Variants in GAREM1 observed in about 807,000 individuals in gnomAD.
The protein encoded by GAREM1 is GRB2-associated and regulator of MAPK protein 1.
GAREM1 carries 26 observed loss-of-function variants against 71.3 expected under a neutral mutation model. The ratio of observed to expected loss-of-function variants is 0.36; its 90% CI spans 0.27 to 0.51. The LOEUF (loss-of-function observed/expected upper bound fraction) is 0.51, where lower values mean the gene tolerates loss of function less well. GAREM1 is among the 20% of genes least tolerant of loss of function. The pLI, the probability that GAREM1 is intolerant of heterozygous loss-of-function variation, is 0.95. For synonymous variants in GAREM1, 440 were observed against 433.2 expected (o/e 1.02, Z -0.20); for missense variants, 1,026 against 1,103.1 (o/e 0.93, Z 0.99).
chr18:32,410,798 G>A (rs1046116415), intron 1 of GAREM1, among the ~76,000 whole-genome samples: 3 of 152,016 alleles, frequency 2.0e-5, no homozygotes, highest in Admixed American at 6.6e-5. Flanking sequence ...ATACGACTTC[G>A]GTTTTTTGTT....
intron 1 of GAREM1, among the ~76,000 whole-genome samples, chr18:32,458,882 C>T (rs149248102): frequency 6.6e-6 from 1 of 152,038 alleles, no homozygotes; most frequent in East Asian, 1.9e-4. Flanking sequence ...CAATAAATAC[C>T]AACATTCTAA....
intron 2 of GAREM1, among the ~76,000 whole-genome samples, chr18:32,371,413 CT>C (rs1263236633): frequency 1.3e-5 from 2 of 152,192 alleles, no homozygotes; most frequent in African/African-American, 4.8e-5. Context: ...TAAAAGGCCC[CT>C]ATAAGTGAAA....
At position 32,275,205 on chromosome 18, in the gene GAREM1, G is replaced by A. The variant is rs568410762; in HGVS notation, c.1567-4822C>T. The stretch of plus-strand genomic sequence containing the variant: ...TGACAGTATTCCTGAACTAGGAAGC[G>A]CTGTGGCTTTAATCTAGCACACCCC... On this transcript the variant is annotated intron_variant, in intron 4 of 5. Transcript: ENST00000269209. 7.2e-5 allele frequency among the ~76,000 whole-genome samples: 11 copies of A among 152,264 alleles called. No homozygotes were observed. The South Asian group carries it at 1.9e-3, about 26-fold the overall frequency.
At chr18:32,464,349 T>C (rs1424563872) in intron 1 of GAREM1, among the ~76,000 whole-genome samples, 1 of 152,126 alleles carries the variant, frequency 6.6e-6, no homozygotes, top group African/African-American at 2.4e-5. Flanking sequence ...CCTGTGATTC[T>C]GGATTAAATT....
intron 2 of GAREM1, among the ~76,000 whole-genome samples, chr18:32,343,652 G>A (rs1405246771): frequency 6.6e-6 from 1 of 152,108 alleles, no homozygotes; most frequent in African/African-American, 2.4e-5. Context: ...GAAACAAAAT[G>A]TGTACTTCAT....
intron 2 of GAREM1, among the ~76,000 whole-genome samples, chr18:32,327,955 C>G (rs1409237363): frequency 6.6e-6 from 1 of 152,006 alleles, no homozygotes; most frequent in Non-Finnish European, 1.5e-5. Context: ...GGGCAAGATG[C>G]CTCTGATTCA....
intron 2 of GAREM1, among the ~76,000 whole-genome samples, chr18:32,316,437 A>T (rs1181621006): frequency 6.6e-6 from 1 of 152,196 alleles, no homozygotes; most frequent in Non-Finnish European, 1.5e-5. Context: ...TAAATTATTG[A>T]AAACCAAATA....
rs759231574 is a variant in GAREM1 at position 32,270,245 on chromosome 18, A to C, written c.1705T>G (p.Ser569Ala). 6.2e-7 allele frequency: 1 copy of C among 1,614,032 alleles called. No homozygotes were observed. Among genetic ancestry groups the C allele is most frequent in the Admixed American group, 1.7e-5 (1 of 60,000 alleles). The change falls in exon 5 of 6, where the codon TCC becomes GCC. Residue 569 changes from serine to alanine, a missense_variant. Transcript: ENST00000269209. ...QQTRSPSPTL[S>A]YYSSGLHNIS... ...TTGTGTAGCCCTGAAGAATAGTAGG[A>C]CAAGGTGGGGCTGGGAGAGCGAGTC...
chr18:32,403,920 C>A (rs1214968630), intron 1 of GAREM1, among the ~76,000 whole-genome samples: 1 of 152,178 alleles, frequency 6.6e-6, no homozygotes, highest in Admixed American at 6.5e-5. Flanking sequence ...GTAGAAATTA[C>A]AAGCATTTTT....
chr18:32,342,162 A>G (rs752889501), intron 2 of GAREM1, among the ~76,000 whole-genome samples: 10 of 152,080 alleles, frequency 6.6e-5, no homozygotes, highest in Non-Finnish European at 1.3e-4. Context: ...CTTTTTTTGA[A>G]GTTGGTACTA....
intron 1 of GAREM1, among the ~76,000 whole-genome samples, chr18:32,409,219 A>G (rs1044036792): frequency 6.6e-6 from 1 of 152,188 alleles, no homozygotes. Context: ...AAGTAAGTCT[A>G]AATATAAATT....
At chr18:32,442,666 G>C (rs1283908182) in intron 1 of GAREM1, among the ~76,000 whole-genome samples, 3 of 152,084 alleles carry the variant, frequency 2.0e-5, no homozygotes, top group East Asian at 1.9e-4. Flanking sequence ...ACAGCATATG[G>C]GATGTGGCAG....
chr18:32,410,282 G>A (rs1429245952), intron 1 of GAREM1, among the ~76,000 whole-genome samples: 1 of 152,146 alleles, frequency 6.6e-6, no homozygotes, highest in East Asian at 1.9e-4. Flanking sequence ...GACACAGTGT[G>A]CCTTCTCTCA....
At chr18:32,451,807 T>C (rs567345804) in intron 1 of GAREM1, among the ~76,000 whole-genome samples, 21 of 152,200 alleles carry the variant, frequency 1.4e-4, no homozygotes, top group Middle Eastern at 3.4e-3. Flanking sequence ...ATAACAAACA[T>C]TGGAGGAGCA....
At chr18:32,419,592 T>C (rs1436265264) in intron 1 of GAREM1, among the ~76,000 whole-genome samples, 1 of 152,190 alleles carries the variant, frequency 6.6e-6, no homozygotes, top group African/African-American at 2.4e-5. Context: ...AAATTTCTGT[T>C]GTTTATAAGC....
chr18:32,378,495 C>G (rs1049926052), intron 2 of GAREM1, among the ~76,000 whole-genome samples: 2 of 144,798 alleles, frequency 1.4e-5, no homozygotes, highest in African/African-American at 5.1e-5. Context: ...GTCAGACTGT[C>G]TCCGAAAAAA....
chr18:32,367,744 G>A (rs2047940198), intron 2 of GAREM1, among the ~76,000 whole-genome samples: 1 of 152,092 alleles, frequency 6.6e-6, no homozygotes, highest in Non-Finnish European at 1.5e-5. Flanking sequence ...AGACACATAC[G>A]AACCATGATG....
chr18:32,381,155 A>C (rs1193725678), intron 2 of GAREM1, among the ~76,000 whole-genome samples: 2 of 152,034 alleles, frequency 1.3e-5, no homozygotes, highest in African/African-American at 4.8e-5. Flanking sequence ...CTCCAAATAC[A>C]CTTCTCTGTG....
At chr18:32,413,881 T>C (rs1014763769) in intron 1 of GAREM1, among the ~76,000 whole-genome samples, 1 of 152,164 alleles carries the variant, frequency 6.6e-6, no homozygotes, top group African/African-American at 2.4e-5. Flanking sequence ...TTATATTGCT[T>C]ATGAATAAAT....
Sources: allele counts gnomAD v4.1 joint callset (sites outside exome capture counted in the v4.1 genomes callset), GRCh38; gene constraint gnomAD v4.1.1; transcripts MANE v1.5; gene names NCBI Gene and HGNC (gene_info 2026-07-23, HGNC 2026-07-21).